Variants in PALLD observed in about 807,000 individuals in gnomAD.
The protein encoded by PALLD is palladin, cytoskeletal associated protein, also known as palladin.
PALLD carries 61 observed loss-of-function variants against 123.5 expected under a neutral mutation model. The ratio of observed to expected loss-of-function variants is 0.49; its 90% CI spans 0.40 to 0.61. PALLD has a LOEUF of 0.61. PALLD is among the 20% of genes least tolerant of loss of function. PALLD has a pLI of 0.00. For synonymous variants in PALLD, 465 were observed against 496.4 expected, an observed-to-expected ratio of 0.94 and a Z score of 0.84; for missense variants, 1,273 against 1,377.0, an observed-to-expected ratio of 0.92 and a Z score of 1.20.
chr4:168,691,363 GTTCT>G, intron 8 of PALLD, 71 bp downstream of exon 8: 1 of 1,260,926 alleles, frequency 7.9e-7, no homozygotes, highest in Non-Finnish European at 1.1e-6. Context: ...GGTCTCAATA[GTTCT>G]TTCTTTCTAC....
intron 16 of PALLD, 70 bp from the exon 17 acceptor site, chr4:168,915,825 C>A: frequency 1.6e-6 from 2 of 1,213,616 alleles, no homozygotes; most frequent in Non-Finnish European, 1.2e-6. Context: ...TTTAAGAAAA[C>A]AGATGACTAA....
intron 2 of PALLD, among the ~76,000 whole-genome samples, chr4:168,639,711 T>A (rs1776725217): frequency 6.8e-6 from 1 of 146,228 alleles, no homozygotes; most frequent in Admixed American, 6.7e-5. Context: ...GCCCAGCTAA[T>A]TTTTTGTATT....
In PALLD at chr4:168,678,838, C is replaced by T. The variant is rs1396830054; in HGVS notation, c.1088-2494C>T. The stretch of plus-strand genomic sequence containing the variant: ...ATGGTGTGTGGGGGGGTATGGTGTG[C>T]GTGTGTGGTGTGTGTGGTGTGTCGT... On this transcript the variant is annotated intron_variant, in intron 3 of 21. Coordinates refer to ENST00000505667, the MANE Select transcript of PALLD (RefSeq NM_001166108.2). Among the ~76,000 whole-genome samples the T allele has an allele frequency of 2.3e-5, 3 of 132,804 alleles. No individual in the cohort carries two copies. In the East Asian group the frequency reaches 7.3e-4, roughly 32 times the overall value. 87.1% of individuals were successfully genotyped at this position (132,804 alleles called of 152,430 possible).
intron 6 of PALLD, 43 bp downstream of exon 6, chr4:168,685,602 C>T (rs1215433454): frequency 1.5e-6 from 2 of 1,331,858 alleles, no homozygotes; most frequent in East Asian, 4.6e-5. Context: ...TGCTTTGGTC[C>T]TTAAATTTCA....
At chr4:168,687,855 G>T (rs1489249978) in intron 6 of PALLD, among the ~76,000 whole-genome samples, 5 of 152,124 alleles carry the variant, frequency 3.3e-5, no homozygotes, top group Non-Finnish European at 5.9e-5. Flanking sequence ...CCAAAACTCT[G>T]TTCTTTATAT....
intron 6 of PALLD, among the ~76,000 whole-genome samples, chr4:168,688,469 T>C (rs922049677): frequency 2.6e-5 from 4 of 152,158 alleles, no homozygotes; most frequent in Admixed American, 6.5e-5. Flanking sequence ...TCAGGTGGAC[T>C]TGATGGTATG....
intron 10 of PALLD, among the ~76,000 whole-genome samples, chr4:168,794,508 A>ACACG: frequency 7.4e-6 from 1 of 134,318 alleles, no homozygotes; most frequent in East Asian, 2.1e-4. Flanking sequence ...ACACACACGC[A>ACACG]CACACACACA....
At chr4:168,527,612 T>C (rs990862406) in intron 2 of PALLD, among the ~76,000 whole-genome samples, 1 of 152,152 alleles carries the variant, frequency 6.6e-6, no homozygotes, top group Non-Finnish European at 1.5e-5. Context: ...TGTGTTAAGA[T>C]TATTAAAATA....
Position 168,627,531 on chromosome 4 carries a change from AATAG to A in PALLD, c.909-40649_909-40646del, listed in dbSNP as rs376605244. Among the ~76,000 whole-genome samples, 7 of 152,246 alleles carry A rather than the reference AATAG, an allele frequency of 4.6e-5. 1 individual carries two copies. The highest frequency in any genetic ancestry group is 7.2e-5 in the African/African-American group (3 of 41,548). Reference sequence around the variant, plus strand: ...TCTCCAACATATAGATAGATAGATAAATAGATAGATAGACCAAATACCTAAATAT... The same window carrying A: ...TCTCCAACATATAGATAGATAGATAAATAGATAGACCAAATACCTAAATAT... On this transcript the variant is annotated intron_variant, in intron 2 of 21. Transcript: ENST00000505667.
At chr4:168,771,123 C>T (rs1734378481) in intron 10 of PALLD, among the ~76,000 whole-genome samples, 2 of 151,478 alleles carry the variant, frequency 1.3e-5, no homozygotes, top group South Asian at 4.2e-4. Context: ...AATACATGTT[C>T]CTCCAAAGGT....
At position 168,916,684 on chromosome 4, in the gene PALLD, C is replaced by CTTT. The variant is rs545906704; in HGVS notation, c.2850+670_2850+672dup. On this transcript the variant is annotated intron_variant, in intron 17 of 21. Coordinates refer to ENST00000505667, the MANE Select transcript of PALLD (RefSeq NM_001166108.2). ...CTTTTATTCCTCCCATTTTCTAATT[C>CTTT]TTTTTTTTTTTTTTTGAGACAGAGT... Among the ~76,000 whole-genome samples, 459 of 136,424 alleles carry CTTT rather than the reference C, an allele frequency of 3.4e-3. 10 individuals carry two copies. Among genetic ancestry groups the CTTT allele is most frequent in the South Asian group, 9.1e-3 (40 of 4,406 alleles). 89.5% of individuals were successfully genotyped at this position (136,424 alleles called of 152,430 possible).
chr4:168,769,524 G>A (rs952561994), intron 10 of PALLD, among the ~76,000 whole-genome samples: 12 of 152,266 alleles, frequency 7.9e-5, no homozygotes, highest in East Asian at 1.9e-4. Context: ...GTGGGCTGGC[G>A]TTACCCTTTT....
chr4:168,611,187 G>A (rs1214755640), intron 2 of PALLD, among the ~76,000 whole-genome samples: 2 of 152,156 alleles, frequency 1.3e-5, no homozygotes, highest in African/African-American at 4.8e-5. Flanking sequence ...TCTACTCCAA[G>A]AGCCTGCGCC....
chr4:168,702,219 A>G (rs2150163697), intron 8 of PALLD, among the ~76,000 whole-genome samples: 1 of 152,296 alleles, frequency 6.6e-6, no homozygotes, highest in Middle Eastern at 3.4e-3. Flanking sequence ...AGAAAAAAAG[A>G]ACATCAGCTC....
intron 10 of PALLD, among the ~76,000 whole-genome samples, chr4:168,824,187 A>G (rs1743103328): frequency 6.6e-6 from 1 of 152,186 alleles, no homozygotes; most frequent in Admixed American, 6.5e-5. Flanking sequence ...GTCTTTATTT[A>G]TGGTTGCCGT....
intron 10 of PALLD, among the ~76,000 whole-genome samples, chr4:168,822,445 TAAAGG>T (rs1356369499): frequency 6.6e-6 from 1 of 152,114 alleles, no homozygotes. Flanking sequence ...GGTGGCTGTG[TAAAGG>T]AGAGACTGGG....
chr4:168,573,770 A>G (rs1476696841), intron 2 of PALLD, among the ~76,000 whole-genome samples: 1 of 152,118 alleles, frequency 6.6e-6, no homozygotes, highest in African/African-American at 2.4e-5. Flanking sequence ...CTTCCCAATT[A>G]TACGAAGCTG....
At position 168,927,112 on chromosome 4, in the gene PALLD, G is replaced by GCAGAAATATATTA. The variant is rs1251598682; in HGVS notation, c.*936_*948dup. The GCAGAAATATATTA allele has an allele frequency of 3.1e-5, 7 of 225,400 alleles. No individual in the cohort carries two copies. The highest frequency in any genetic ancestry group is 4.5e-5 in the African/African-American group (2 of 44,924). 14.0% of individuals were successfully genotyped at this position (225,400 alleles called of 1,614,324 possible). A position where few individuals can be genotyped will look rare whatever the true frequency, so the allele number is the denominator to read the frequency against. Reference sequence around the variant, plus strand: ...AATAATATAAAGTGCTCTGAATAAAGCAGAAATATATTACAGTTCATTCCA... The same window carrying GCAGAAATATATTA: ...AATAATATAAAGTGCTCTGAATAAAGCAGAAATATATTACAGAAATATATTACAGTTCATTCCA... On this transcript the variant is annotated 3_prime_UTR_variant, in exon 22 of 22. Coordinates refer to ENST00000505667, the MANE Select transcript of PALLD (RefSeq NM_001166108.2).
chr4:168,875,639 C>G (rs1751649401), intron 10 of PALLD, among the ~76,000 whole-genome samples: 1 of 152,182 alleles, frequency 6.6e-6, no homozygotes, highest in South Asian at 2.1e-4. Context: ...ACTAGAATGC[C>G]CATTCATTTC....
Sources: allele counts gnomAD v4.1 joint callset (sites outside exome capture counted in the v4.1 genomes callset), GRCh38; gene constraint gnomAD v4.1.1; transcripts MANE v1.5; gene names NCBI Gene and HGNC (gene_info 2026-07-23, HGNC 2026-07-21).